ADAMTS14: variants seen among roughly 807,000 people sequenced by gnomAD.
ADAMTS14 encodes the protein A disintegrin and metalloproteinase with thrombospondin motifs 14.
Under a neutral mutation model 128.6 loss-of-function variants are expected in ADAMTS14, and 100 were observed. That is an observed-to-expected ratio of 0.78 (90% CI 0.66 to 0.92). The LOEUF (loss-of-function observed/expected upper bound fraction) is 0.92. ADAMTS14 is among the 40% of genes least tolerant of loss of function. The probability of loss-of-function intolerance (pLI) is 0.00; values close to 1 mark genes in which losing one functional copy is unlikely to be tolerated. For synonymous variants in ADAMTS14, 665 were observed against 653.8 expected (o/e 1.02, Z -0.26); for missense variants, 1,562 against 1,658.6 (o/e 0.94, Z 1.01).
chr10:70,722,459 C>T (rs1841301067), intron 4 of ADAMTS14, among the ~76,000 whole-genome samples: 1 of 152,196 alleles, frequency 6.6e-6, no homozygotes, highest in Non-Finnish European at 1.5e-5. Flanking sequence ...GGCTTGTCCT[C>T]TGACAATGAC....
At position 70,752,122 on chromosome 10, in the gene ADAMTS14, G is replaced by T; in HGVS notation, c.2624G>T (p.Arg875Leu). The T allele has an allele frequency of 6.2e-7, 1 of 1,613,156 alleles. No individual in the cohort carries two copies. Among genetic ancestry groups the T allele is most frequent in the Non-Finnish European group, 8.5e-7 (1 of 1,179,904 alleles). Reference protein sequence around the residue: ...GGIQFTKYGCRRRRDHHMVQR... With the variant: ...GGIQFTKYGCLRRRDHHMVQR... The stretch of plus-strand genomic sequence containing the variant: ...ATCCAGTTCACCAAATACGGCTGCC[G>T]GCGCAGACGAGACCACCACATGGTG... Residue 875 changes from arginine (R) to leucine (L), a missense_variant, in exon 18 of 22, where the codon CGG (arginine) becomes CTG (leucine). Coordinates refer to ENST00000373207, the MANE Select transcript of ADAMTS14 (RefSeq NM_080722.4).
chr10:70,752,130 C>A lies in ADAMTS14; in HGVS notation c.2632C>A (p.Arg878=). 1 of 1,613,232 alleles carries A rather than the reference C, an allele frequency of 6.2e-7. No homozygotes were observed. Among genetic ancestry groups the A allele is most frequent in the Non-Finnish European group, 8.5e-7 (1 of 1,179,920 alleles). ...CACCAAATACGGCTGCCGGCGCAGA[C>A]GAGACCACCACATGGTGCAGCGACA... is the stretch of plus-strand genomic sequence containing the variant. ...QFTKYGCRRR[R]DHHMVQRHLC... Residue 878 remains arginine, a synonymous_variant, in exon 18 of 22, where the codon CGA becomes AGA. Transcript: ENST00000373207.
Position 70,753,939 on chromosome 10 carries a change from C to T in ADAMTS14, c.2869C>T (p.Pro957Ser). The change falls in exon 19 of 22, where the codon CCT (proline) becomes TCT (serine). Residue 957 changes from proline to serine, a missense_variant. Transcript: ENST00000373207. ...GGCCAAAGCCTGCGCCGGGGACCGG[C>T]CTGAGGCCCGACGGCCCTGTCTCCG... ...MPAKACAGDR[P>S]EARRPCLRVP... 3 of 1,587,558 alleles carry T rather than the reference C, an allele frequency of 1.9e-6. No homozygotes were observed. Among genetic ancestry groups the T allele is most frequent in the Non-Finnish European group, 2.6e-6 (3 of 1,167,846 alleles).
intron 2 of ADAMTS14, among the ~76,000 whole-genome samples, chr10:70,701,663 AT>A (rs1322291097): frequency 6.6e-6 from 1 of 152,228 alleles, no homozygotes; most frequent in East Asian, 1.9e-4. Flanking sequence ...CCAACACCTG[AT>A]TTTTTTAAAG....
Position 70,758,299 on chromosome 10 carries a change from A to G in ADAMTS14, c.3178+14A>G, listed in dbSNP as rs373882384. On this transcript the variant is annotated intron_variant, in intron 21 of 21. Transcript: ENST00000373207. ...AGATATCATCAAGTAAGTACAGTCT[A>G]TGGACCCTACCCTGCTCCCCAGACC... The G allele has an allele frequency of 1.9e-5, 31 of 1,610,688 alleles. No homozygotes were observed. The East Asian group carries it at 2.9e-4, about 15-fold the overall frequency.
intron 12 of ADAMTS14, among the ~76,000 whole-genome samples, chr10:70,741,451 C>G (rs900994265): frequency 6.6e-6 from 1 of 152,224 alleles, no homozygotes; most frequent in African/African-American, 2.4e-5. Context: ...GGACACTTCA[C>G]ACACAGGTGT....
Position 70,739,746 on chromosome 10 carries a change from G to T in ADAMTS14, c.1748+756G>T, listed in dbSNP as rs546368943. ...ATGAAGACTGCGGAATCGCAAAGTTGTAGGGTCACAGTGGCTCTGGTGTCC... is the reference window on the plus strand; with the variant it reads ...ATGAAGACTGCGGAATCGCAAAGTTTTAGGGTCACAGTGGCTCTGGTGTCC... On this transcript the variant is annotated intron_variant, in intron 11 of 21. Coordinates refer to ENST00000373207, the MANE Select transcript of ADAMTS14 (RefSeq NM_080722.4). Among the ~76,000 whole-genome samples the T allele has an allele frequency of 2.6e-5, 4 of 152,330 alleles. No homozygotes were observed. The East Asian group carries it at 5.8e-4, about 22-fold the overall frequency.
chr10:70,756,952 G>T (rs1421670352), intron 19 of ADAMTS14, among the ~76,000 whole-genome samples: 2 of 152,036 alleles, frequency 1.3e-5, no homozygotes, highest in Non-Finnish European at 2.9e-5. Context: ...GCTGTTAGCT[G>T]CTGTTTGTAA....
chr10:70,761,705 T>G lies in ADAMTS14; in HGVS notation c.*852T>G, dbSNP rs1323312208. 6.6e-6 allele frequency: 1 copy of G among 152,264 alleles called. No individual in the cohort carries two copies. The highest frequency in any genetic ancestry group is 1.5e-5 in the Non-Finnish European group (1 of 68,058). 9.4% of individuals were successfully genotyped at this position (152,264 alleles called of 1,614,324 possible). On this transcript the variant is annotated 3_prime_UTR_variant, in exon 22 of 22. Coordinates refer to ENST00000373207, the MANE Select transcript of ADAMTS14 (RefSeq NM_080722.4). ...AGGATGGCAACTTCAATTATCACTC[T>G]CAGCCTGGAAGGGGACTCTGTGGGA...
intron 2 of ADAMTS14, among the ~76,000 whole-genome samples, chr10:70,689,668 C>T (rs1357116070): frequency 3.4e-5 from 5 of 145,738 alleles, no homozygotes; most frequent in African/African-American, 9.7e-5. Context: ...TGATGACATT[C>T]GCCTTCCTGC....
chr10:70,741,431 C>G (rs1282454317), intron 12 of ADAMTS14, among the ~76,000 whole-genome samples: 2 of 152,224 alleles, frequency 1.3e-5, no homozygotes, highest in Non-Finnish European at 2.9e-5. Context: ...AGGAAAGTGT[C>G]TTGAGGAAGG....
At chr10:70,722,059 G>A (rs1250636414) in intron 4 of ADAMTS14, among the ~76,000 whole-genome samples, 4 of 152,208 alleles carry the variant, frequency 2.6e-5, no homozygotes. Context: ...TGGTTGTGAA[G>A]CCACCAGGAA....
intron 4 of ADAMTS14, among the ~76,000 whole-genome samples, chr10:70,724,563 C>T (rs1281300136): frequency 6.6e-6 from 1 of 152,206 alleles, no homozygotes; most frequent in East Asian, 1.9e-4. Flanking sequence ...AGGTCCTGGC[C>T]ATGGTGCCAT....
In ADAMTS14 at chr10:70,674,619, G is replaced by A. The variant is rs201484487; in HGVS notation, c.146G>A (p.Arg49Gln). The A allele has an allele frequency of 4.4e-5, 71 of 1,613,814 alleles. No homozygotes were observed. In the East Asian group the frequency reaches 1.1e-3, roughly 25 times the overall value. Residue 49 changes from arginine (R) to glutamine (Q), a missense_variant, in exon 2 of 22, where the codon CGG becomes CAG. Arg to Gln is a conservative substitution (Grantham distance 43, BLOSUM62 1). Transcript: ENST00000373207. ...ACAGTGCCCTGCAGCACAGACTTTC[G>A]GGGACGCTTCCTCTCCCACGTGGTG... Reference protein sequence around the residue: ...GVTVPCSTDFRGRFLSHVVSG... With the variant: ...GVTVPCSTDFQGRFLSHVVSG...
Position 70,758,224 on chromosome 10 carries a change from G to A in ADAMTS14, c.3117G>A (p.Thr1039=), listed in dbSNP as rs368301219. ...TVRADVWELG[T]PEGQWVPQSE... ...GGGCCGATGTCTGGGAACTTGGGACGCCAGAGGGGCAGTGGGTGCCACAAT... is the reference window on the plus strand; with the variant it reads ...GGGCCGATGTCTGGGAACTTGGGACACCAGAGGGGCAGTGGGTGCCACAAT... Residue 1039 remains threonine (T), a synonymous_variant, in exon 21 of 22, where the codon ACG becomes ACA. Coordinates refer to ENST00000373207, the MANE Select transcript of ADAMTS14 (RefSeq NM_080722.4). The A allele has an allele frequency of 3.1e-5, 50 of 1,614,242 alleles. No homozygotes were observed. Among genetic ancestry groups the A allele is most frequent in the South Asian group, 3.0e-4 (27 of 91,088 alleles).
intron 4 of ADAMTS14, among the ~76,000 whole-genome samples, chr10:70,714,195 G>T (rs933383991): frequency 8.6e-5 from 13 of 151,744 alleles, no homozygotes; most frequent in African/African-American, 3.1e-4. Context: ...CCTGTCTCTA[G>T]AATTAAAAAA....
chr10:70,760,338 T>C (rs1031943593), intron 21 of ADAMTS14, 22 bp from the exon 22 acceptor site: 2 of 1,517,654 alleles, frequency 1.3e-6, no homozygotes, highest in Non-Finnish European at 1.8e-6. Flanking sequence ...CTTCCATCCT[T>C]GTCCTTGTGC....
chr10:70,676,121 C>G (rs570725341), intron 2 of ADAMTS14, among the ~76,000 whole-genome samples: 13 of 150,438 alleles, frequency 8.6e-5, no homozygotes, highest in Admixed American at 6.0e-4. Context: ...CAGTCTACCC[C>G]ACGATGAGGT....
At chr10:70,738,570 C>T (rs942212919) in intron 10 of ADAMTS14, among the ~76,000 whole-genome samples, 1 of 152,222 alleles carries the variant, frequency 6.6e-6, no homozygotes, top group Admixed American at 6.5e-5. Flanking sequence ...CATTTATTAT[C>T]ACTGTTCATC....
Sources: allele counts gnomAD v4.1 joint callset (sites outside exome capture counted in the v4.1 genomes callset), GRCh38; gene constraint gnomAD v4.1.1; transcripts MANE v1.5; gene names NCBI Gene and HGNC (gene_info 2026-07-23, HGNC 2026-07-21).